The following FAAP20 variants were observed in gnomAD, a reference collection of about 807,000 sequenced individuals.
The protein encoded by FAAP20 is Fanconi anemia core complex-associated protein 20.
Under a neutral mutation model 16.2 loss-of-function variants are expected in FAAP20, and 12 were observed. The observed-to-expected ratio is 0.74, with a 90% CI of 0.48 to 1.20. The LOEUF is 1.20. FAAP20 is among the 50% of genes most tolerant of loss of function. The pLI, the probability that FAAP20 is intolerant of heterozygous loss-of-function variation, is 0.00. For missense variants in FAAP20, 288 were observed against 245.8 expected (o/e 1.17, Z -1.15); for synonymous variants, 141 against 110.7 (o/e 1.27, Z -1.72).
downstream of FAAP20, chr1:2,184,547 G>A (rs760358797): frequency 3.4e-5 from 52 of 1,536,350 alleles, no homozygotes; most frequent in Middle Eastern, 6.7e-4. Flanking sequence ...GATGATGCCC[G>A]CGCGGAGCTG....
downstream of FAAP20, among the ~76,000 whole-genome samples, chr1:2,209,162 C>T (rs1381102885): frequency 1.3e-5 from 2 of 152,098 alleles, no homozygotes; most frequent in Non-Finnish European, 2.9e-5. Flanking sequence ...TCCTCTCTTA[C>T]CACTCCGTCC....
upstream of FAAP20, chr1:2,201,163 T>C (rs1001781966): frequency 4.7e-6 from 6 of 1,274,154 alleles, no homozygotes; most frequent in Middle Eastern, 3.1e-4. Flanking sequence ...ACTTTCTGAG[T>C]GACGTGCAGA....
chr1:2,199,321 G>A (rs1463076898), upstream of FAAP20: 4 of 1,040,898 alleles, frequency 3.8e-6, no homozygotes, highest in African/African-American at 6.9e-5. This position sits in a 1 kb window ranked among gnomAD's most constrained non-coding sequence, Gnocchi z 4.5. Flanking sequence ...GCACCACTCA[G>A]CCCCCACCCA....
At chr1:2,201,205 C>A, upstream of FAAP20, 1 of 1,224,528 alleles carries the variant, frequency 8.2e-7, no homozygotes, top group South Asian at 1.4e-5. Flanking sequence ...GTGGCTCCAT[C>A]CAACGCCTCC....
downstream of FAAP20, chr1:2,185,961 C>T: frequency 2.9e-6 from 1 of 344,962 alleles, no homozygotes; most frequent in South Asian, 2.3e-5. Flanking sequence ...GCGGCGCGGA[C>T]CTCCTGCTCC....
downstream of FAAP20, among the ~76,000 whole-genome samples, chr1:2,209,619 C>A (rs541078419): frequency 3.9e-5 from 6 of 152,368 alleles, no homozygotes; most frequent in South Asian, 1.2e-3. Flanking sequence ...TCCCGTGGGG[C>A]TCAGCGGGGA....
chr1:2,205,014 C>T (rs1359492365), intron 3 of FAAP20, among the ~76,000 whole-genome samples: 3 of 102,714 alleles, frequency 2.9e-5, no homozygotes, highest in Non-Finnish European at 2.1e-5. Flanking sequence ...TCCCTCCGGG[C>T]TCCCCACGCC....
intron 3 of FAAP20, among the ~76,000 whole-genome samples, chr1:2,205,371 G>C (rs1196231149): frequency 7.0e-6 from 1 of 143,658 alleles, no homozygotes; most frequent in African/African-American, 2.6e-5. Context: ...CTGTGTCCTC[G>C]GCGCCCAGCC....
chr1:2,198,858 C>A (rs957132307), upstream of FAAP20: 2 of 1,289,670 alleles, frequency 1.6e-6, no homozygotes, highest in African/African-American at 3.0e-5. Context: ...GGCAGGCACG[C>A]CCACCCATAG....
upstream of FAAP20, among the ~76,000 whole-genome samples, chr1:2,204,088 C>G (rs775221557): frequency 6.6e-6 from 1 of 152,214 alleles, no homozygotes; most frequent in African/African-American, 2.4e-5. Context: ...CCTGCCATCT[C>G]GGGTCCCCAT....
chr1:2,187,629 A>C (rs193037133), downstream of FAAP20, among the ~76,000 whole-genome samples: 1 of 152,204 alleles, frequency 6.6e-6, no homozygotes, highest in Admixed American at 6.5e-5. Context: ...AAGTAGGCAT[A>C]TATCAGGGCA....
At chr1:2,198,669 A>G (rs1054098987), upstream of FAAP20, 19 of 1,223,470 alleles carry the variant, frequency 1.6e-5, no homozygotes, top group African/African-American at 3.1e-5. Context: ...CCCTGGGCAC[A>G]TGCTGAAGGC....
chr1:2,211,422 TA>T (rs1689437590), downstream of FAAP20, among the ~76,000 whole-genome samples: 3 of 29,078 alleles, frequency 1.0e-4, no homozygotes, highest in African/African-American at 6.5e-4. Context: ...TATATATATA[TA>T]TATATATATA....
At chr1:2,188,922 G>A (rs1382267684), downstream of FAAP20, among the ~76,000 whole-genome samples, 1 of 149,990 alleles carries the variant, frequency 6.7e-6, no homozygotes, top group Non-Finnish European at 1.5e-5. Flanking sequence ...GGAGAATGGC[G>A]TGAACCCGGG....
At chr1:2,186,583 C>G (rs879336362), downstream of FAAP20, among the ~76,000 whole-genome samples, 6 of 149,582 alleles carry the variant, frequency 4.0e-5, no homozygotes, top group African/African-American at 1.2e-4. Flanking sequence ...AGACTCAACT[C>G]CAAAGACGGA....
chr1:2,211,283 G>A (rs1206807157), downstream of FAAP20, among the ~76,000 whole-genome samples: 1 of 131,290 alleles, frequency 7.6e-6, no homozygotes, highest in African/African-American at 2.9e-5. Context: ...TGGTTGGAGT[G>A]CAGTCGCGCG....
At chr1:2,204,980 G>GC (rs1227779580) in intron 3 of FAAP20, among the ~76,000 whole-genome samples, 1 of 76,304 alleles carries the variant, frequency 1.3e-5, no homozygotes, top group Non-Finnish European at 2.6e-5. Flanking sequence ...GGCGCCACGC[G>GC]CCCCGCCCCT....
At chr1:2,186,533 T>TG (rs1307832428), downstream of FAAP20, among the ~76,000 whole-genome samples, 4 of 129,008 alleles carry the variant, frequency 3.1e-5, no homozygotes, top group African/African-American at 1.2e-4. Context: ...AGGTGGAATG[T>TG]GGAGACGGGT....
rs1687923374 is a variant in FAAP20, at chr1:2,189,588, T to A, written c.*121A>T. The A allele has an allele frequency of 1.3e-6, 1 of 795,882 alleles. No individual in the cohort carries two copies. Among genetic ancestry groups the A allele is most frequent in the Non-Finnish European group, 2.2e-6 (1 of 457,890 alleles). The allele number at this position is 795,882 out of a possible 1,614,324, so 49.3% of individuals were successfully genotyped here. A position where few individuals can be genotyped will look rare whatever the true frequency, so the allele number is the denominator to read the frequency against. ...GAGACAGACAGGAGCCCGCCCTGCT[T>A]TAATGCGCATGCGGGGGAGCCGAGA... On this transcript the variant is annotated 3_prime_UTR_variant, in exon 4 of 4. Transcript: ENST00000378546.
Sources: gnomAD v4.1 joint callset for allele counts (sites outside exome capture counted in the v4.1 genomes callset) on GRCh38, gnomAD v4.1.1 for gene constraint, Gnocchi (gnomAD v3.1) non-coding constraint, MANE v1.5 for transcripts, NCBI Gene and HGNC (gene_info 2026-07-23, HGNC 2026-07-21) for gene names.